The following PPL variants were observed in gnomAD, a reference collection of about 807,000 sequenced individuals.
The protein encoded by PPL is periplakin.
PPL carries 198 observed loss-of-function variants against 194.4 expected under a neutral mutation model. That is an observed-to-expected ratio of 1.02 (90% confidence interval 0.91 to 1.15). The LOEUF (loss-of-function observed/expected upper bound fraction) is 1.15, where lower values mean the gene tolerates loss of function less well. Among genes scored for constraint, PPL ranks in the 50% most tolerant of loss-of-function variants. The pLI is 0.00. For missense variants in PPL, 2,885 were observed against 2,294.8 expected, an observed-to-expected ratio of 1.26 and a Z score of -5.25; for synonymous variants, 1,220 against 972.4, an observed-to-expected ratio of 1.25 and a Z score of -4.74.
rs1448221990 is a variant in PPL, at chr16:4,891,900, A to G, written c.1879T>C (p.Leu627=). The G allele has an allele frequency of 1.4e-5, 23 of 1,612,946 alleles. No individual in the cohort carries two copies. The highest frequency in any genetic ancestry group is 1.6e-4 in the Middle Eastern group (1 of 6,080). Reference sequence around the variant, plus strand: ...AGATGGTTCTCGTGTGTGGCCAGCAACTCCCAGCTCTGCTGCAGGCTCTTC... The same window carrying G: ...AGATGGTTCTCGTGTGTGGCCAGCAGCTCCCAGCTCTGCTGCAGGCTCTTC... ...LEKSLQQSWE[L]LATHENHLNQ... The change falls in exon 16 of 22, where the codon TTG becomes CTG. Residue 627 remains leucine, a synonymous_variant. Transcript: ENST00000345988.
At chr16:4,894,162 G>C (rs932560861) in intron 12 of PPL, among the ~76,000 whole-genome samples, 19 of 152,342 alleles carry the variant, frequency 1.2e-4, no homozygotes, top group Middle Eastern at 3.4e-3. Context: ...GAGTCCTCCA[G>C]CCAAGGGGCT....
Position 4,926,894 on chromosome 16 carries a change from A to AAAAC in PPL, c.62+10089_62+10090insGTTT, listed in dbSNP as rs2089165203. On this transcript the variant is annotated intron_variant, in intron 1 of 21. Coordinates refer to ENST00000345988, the MANE Select transcript of PPL (RefSeq NM_002705.5). The stretch of plus-strand genomic sequence containing the variant: ...ACTCTGTCTCAAAAAAAAAAAAAAC[A>AAAAC]AAAAAAAACCAAAAACAAAGATTTT... Among the ~76,000 whole-genome samples the AAAAC allele has an allele frequency of 4.4e-5, 5 of 114,510 alleles. No homozygotes were observed. In the South Asian group the frequency reaches 1.3e-3, roughly 29 times the overall value. 75.1% of individuals were successfully genotyped at this position (114,510 alleles called of 152,430 possible). A position where few individuals can be genotyped will look rare whatever the true frequency, so the allele number is the denominator to read the frequency against.
chr16:4,933,816 T>C (rs555624711), intron 1 of PPL, among the ~76,000 whole-genome samples: 10 of 152,334 alleles, frequency 6.6e-5, no homozygotes, highest in African/African-American at 2.4e-4. Flanking sequence ...GCCTATGGAA[T>C]TGTGCAGTGC....
Position 4,904,187 on chromosome 16 carries a change from A to G in PPL, c.163-147T>C, listed in dbSNP as rs993792931. On this transcript the variant is annotated intron_variant, in intron 2 of 21. Transcript: ENST00000345988. ...TTCCAGGCTTGTCCATATGGAGCGC[A>G]GTCGGTAGTTCCATCTCTTTGCTGC... The G allele has an allele frequency of 2.0e-5, 17 of 832,490 alleles. No homozygotes were observed. In the Admixed American group the frequency reaches 4.2e-4, roughly 21 times the overall value. 51.6% of individuals were successfully genotyped at this position (832,490 alleles called of 1,614,324 possible).
At chr16:4,910,682 C>T (rs886227446) in intron 2 of PPL, among the ~76,000 whole-genome samples, 168 bp downstream of exon 2, 62 of 152,196 alleles carry the variant, frequency 4.1e-4, no homozygotes, top group African/African-American at 5.8e-4. Flanking sequence ...CCCAACTGGA[C>T]GCCAGGAGGA....
At position 4,891,849 on chromosome 16, in the gene PPL, T is replaced by G. The variant is rs752068728; in HGVS notation, c.1930A>C (p.Ser644Arg). Residue 644 changes from serine (S) to arginine (R), a missense_variant, in exon 16 of 22, where the codon AGC becomes CGC. Ser to Arg is a moderately radical substitution (Grantham distance 110). Coordinates refer to ENST00000345988, the MANE Select transcript of PPL (RefSeq NM_002705.5). ...CCCTTGCTGTCCAGGACACGGCTGC[T>G]CTCAGGCACTGTGTCATCCTGATTC... ...HLNQDDTVPE[S>R]SRVLDSKGQE... is the part of the protein sequence containing the mutation. The G allele has an allele frequency of 2.5e-6, 4 of 1,613,262 alleles. No homozygotes were observed. Among genetic ancestry groups the G allele is most frequent in the Non-Finnish European group, 3.4e-6 (4 of 1,179,960 alleles).
intron 1 of PPL, among the ~76,000 whole-genome samples, chr16:4,913,456 C>T (rs1401127466): frequency 6.6e-6 from 1 of 152,158 alleles, no homozygotes; most frequent in African/African-American, 2.4e-5. Context: ...TACCAAAGGA[C>T]TGTGCATAGA....
chr16:4,899,742 G>A (rs1029925119), intron 6 of PPL, among the ~76,000 whole-genome samples: 1 of 152,212 alleles, frequency 6.6e-6, no homozygotes, highest in Non-Finnish European at 1.5e-5. Context: ...TGGGGAAGAT[G>A]ACAGTCCTGA....
rs2048098 is a variant in PPL at position 4,902,597 on chromosome 16, C to A, written c.318-71G>T. 18 of 1,557,834 alleles carry A rather than the reference C, an allele frequency of 1.2e-5. No homozygotes were observed. The highest frequency in any genetic ancestry group is 2.3e-5 in the East Asian group (1 of 43,318). ...CTGCACCCCAGGAGGGGCCCCCCAC[C>A]CAGACCCCGGCCTCAGTGTCCTGGA... On this transcript the variant is annotated intron_variant, in intron 3 of 21. Coordinates refer to ENST00000345988, the MANE Select transcript of PPL (RefSeq NM_002705.5). This position sits in a 1 kb window ranked among gnomAD's most constrained non-coding sequence, Gnocchi z 4.0.
At chr16:4,904,168 G>C (rs1342109381) in intron 2 of PPL, 128 bp from the exon 3 acceptor site, 5 of 1,031,046 alleles carry the variant, frequency 4.8e-6, no homozygotes, top group African/African-American at 3.2e-5. Flanking sequence ...CGTCTTCCAG[G>C]CTTGTCCATA....
At chr16:4,928,404 C>A (rs1010110296) in intron 1 of PPL, among the ~76,000 whole-genome samples, 1 of 152,226 alleles carries the variant, frequency 6.6e-6, no homozygotes, top group African/African-American at 2.4e-5. Context: ...TTTGAGAGGG[C>A]TGGCAGGGTG....
At position 4,891,823 on chromosome 16, in the gene PPL, C is replaced by T; in HGVS notation, c.1956G>A (p.Gly652=). 1 of 1,611,432 alleles carries T rather than the reference C, an allele frequency of 6.2e-7. No individual in the cohort carries two copies. The highest frequency in any genetic ancestry group is 8.5e-7 in the Non-Finnish European group (1 of 1,179,064). Reference sequence around the variant, plus strand: ...GCCCTAGACTCACCGCCAGCTCCTGCCCCTTGCTGTCCAGGACACGGCTGC... The same window carrying T: ...GCCCTAGACTCACCGCCAGCTCCTGTCCCTTGCTGTCCAGGACACGGCTGC... The part of the protein sequence containing the change: ...PESSRVLDSK[G]QELAAMACEL... The change falls in exon 16 of 22, where the codon GGG becomes GGA. Residue 652 remains glycine (G), a synonymous_variant. Transcript: ENST00000345988.
At chr16:4,893,415 G>A (rs750947242) in intron 13 of PPL, 45 bp from the exon 14 acceptor site, 17 of 1,597,318 alleles carry the variant, frequency 1.1e-5, no homozygotes, top group Admixed American at 1.7e-5. Flanking sequence ...AACGGGCCAG[G>A]GGTGTGAGGC....
At chr16:4,910,565 A>G (rs1568032819) in intron 2 of PPL, among the ~76,000 whole-genome samples, 1 of 152,124 alleles carries the variant, frequency 6.6e-6, no homozygotes, top group Admixed American at 6.5e-5. Flanking sequence ...AGGTACTAGT[A>G]TTAACGACAA....
chr16:4,930,398 C>T (rs942148422), intron 1 of PPL, among the ~76,000 whole-genome samples: 1 of 152,224 alleles, frequency 6.6e-6, no homozygotes, highest in African/African-American at 2.4e-5. Context: ...CACTCCTTTC[C>T]ACTAGCTGGA....
chr16:4,892,602 G>C (rs1250060618), intron 14 of PPL, among the ~76,000 whole-genome samples: 1 of 152,230 alleles, frequency 6.6e-6, no homozygotes, highest in Non-Finnish European at 1.5e-5. Flanking sequence ...TGTGGGGTCA[G>C]GCTACACCCG....
At position 4,884,299 on chromosome 16, in the gene PPL, G is replaced by A; in HGVS notation, c.4356C>T (p.Asp1452=). 3.7e-6 allele frequency: 6 copies of A among 1,611,252 alleles called. No individual in the cohort carries two copies. Among genetic ancestry groups the A allele is most frequent in the Non-Finnish European group, 5.1e-6 (6 of 1,178,268 alleles). The change falls in exon 22 of 22, where the codon GAC becomes GAT. Residue 1452 remains aspartate, a synonymous_variant. Coordinates refer to ENST00000345988, the MANE Select transcript of PPL (RefSeq NM_002705.5). The surrounding 1 kb of genome is among the most constrained non-coding windows in gnomAD (Gnocchi z 5.7). ...GGGCATGCTCTCGCGCCTGCTGCGG[G>A]TCCTGCTGCAGCACCACCTTCTGCG... ...THTQKVVLQQ[D]PQQAREHALL... is the part of the protein sequence containing the mutation.
intron 2 of PPL, among the ~76,000 whole-genome samples, chr16:4,906,588 T>G (rs568257438): frequency 6.6e-6 from 1 of 152,222 alleles, no homozygotes; most frequent in Non-Finnish European, 1.5e-5. Flanking sequence ...GATCAAAGAT[T>G]AATTTTGCAA....
In PPL at chr16:4,885,176, G is replaced by T; in HGVS notation, c.3479C>A (p.Ala1160Asp). ...EKTELLRKIW[A>D]LEEENAKVVV... Reference sequence around the variant, plus strand: ...CACTTTGGCGTTCTCCTCCTCCAAGGCCCATATCTTTCGGAGCAGCTCCGT... The same window carrying T: ...CACTTTGGCGTTCTCCTCCTCCAAGTCCCATATCTTTCGGAGCAGCTCCGT... Residue 1160 changes from alanine (A) to aspartate (D), a missense_variant, in exon 22 of 22, where the codon GCC becomes GAC. Physicochemically the swap from Ala to Asp is moderately radical, Grantham distance 126. Coordinates refer to ENST00000345988, the MANE Select transcript of PPL (RefSeq NM_002705.5). The surrounding 1 kb of genome is among the most constrained non-coding windows in gnomAD (Gnocchi z 6.3). 6.2e-7 allele frequency: 1 copy of T among 1,614,004 alleles called. No homozygotes were observed. The highest frequency in any genetic ancestry group is 8.5e-7 in the Non-Finnish European group (1 of 1,180,026).
Sources: allele counts gnomAD v4.1 joint callset (sites outside exome capture counted in the v4.1 genomes callset), GRCh38; gene constraint gnomAD v4.1.1; non-coding constraint Gnocchi (gnomAD v3.1); transcripts MANE v1.5; gene names NCBI Gene and HGNC (gene_info 2026-07-23, HGNC 2026-07-21).